The following HEXB variants were observed in gnomAD, a reference collection of about 807,000 sequenced individuals.
HEXB encodes the protein hexosaminidase subunit beta, also known as beta-hexosaminidase subunit beta.
In HEXB, 51 loss-of-function variants were observed where a neutral mutation model predicts 71.2. The ratio of observed to expected loss-of-function variants is 0.72; its 90% CI spans 0.57 to 0.90. HEXB has a LOEUF of 0.90. HEXB is among the 40% of genes least tolerant of loss of function. The pLI is 0.00. For synonymous variants in HEXB, 266 were observed against 249.3 expected (o/e 1.07, Z -0.63); for missense variants, 617 against 677.0 (o/e 0.91, Z 0.98).
At chr5:74,650,818 C>T (rs769093252) in intron 1 of HEXB, among the ~76,000 whole-genome samples, 2 of 150,176 alleles carry the variant, frequency 1.3e-5, no homozygotes, top group Non-Finnish European at 1.5e-5. Flanking sequence ...CCCAGCTACT[C>T]GGGAGGCTGA....
At chr5:74,712,415 A>G (rs1179986567) in intron 6 of HEXB, among the ~76,000 whole-genome samples, 1 of 149,688 alleles carries the variant, frequency 6.7e-6, no homozygotes, top group Non-Finnish European at 1.5e-5. Flanking sequence ...ATGTACCCTA[A>G]AACTTAAAGT....
rs2112075774 is a variant in HEXB at position 74,652,004 on chromosome 5, T to C, written c.-377+11446T>C. On this transcript the variant is annotated intron_variant, in intron 1 of 13. Coordinates refer to the HEXB transcript ENST00000511181. This position sits in a 1 kb window ranked among gnomAD's most constrained non-coding sequence, Gnocchi z 5.4. ...ATTTGCCAGCTCTGTGTAAAACTAC[T>C]CTTATGCCAGACAAACTAGGACGTG... 6.6e-6 allele frequency among the ~76,000 whole-genome samples: 1 copy of C among 152,316 alleles called. No homozygotes were observed. Among genetic ancestry groups the C allele is most frequent in the South Asian group, 2.1e-4 (1 of 4,826 alleles).
intron 1 of HEXB, among the ~76,000 whole-genome samples, chr5:74,647,584 G>A (rs1017976990): frequency 1.5e-4 from 23 of 152,172 alleles, no homozygotes; most frequent in African/African-American, 5.1e-4. Context: ...TTGAAAACAC[G>A]ACATGAACAA....
chr5:74,675,285 G>A (rs1292171642), intron 1 of HEXB, among the ~76,000 whole-genome samples: 1 of 152,102 alleles, frequency 6.6e-6, no homozygotes, highest in East Asian at 1.9e-4. Context: ...TATCAACAGT[G>A]GGGGATTCTT....
intron 1 of HEXB, among the ~76,000 whole-genome samples, chr5:74,670,965 C>T (rs1338812933): frequency 2.0e-5 from 3 of 152,116 alleles, no homozygotes; most frequent in Admixed American, 2.0e-4. Flanking sequence ...GCCCAGGAGG[C>T]CAAGTGGACA....
chr5:74,689,261 A>T, intron 1 of HEXB, 67 bp from the exon 2 acceptor site: 1 of 1,217,942 alleles, frequency 8.2e-7, no homozygotes, highest in Non-Finnish European at 1.2e-6. Flanking sequence ...CAATGTTACT[A>T]GCACATCTGT....
intron 1 of HEXB, among the ~76,000 whole-genome samples, chr5:74,668,495 T>C (rs1286745783): frequency 6.6e-6 from 1 of 152,162 alleles, no homozygotes; most frequent in African/African-American, 2.4e-5. Context: ...GGAGTTCAAA[T>C]CCTGACTCTC....
intron 11 of HEXB, among the ~76,000 whole-genome samples, chr5:74,719,239 T>C (rs2112181528): frequency 6.6e-6 from 1 of 152,328 alleles, no homozygotes; most frequent in East Asian, 1.9e-4. Context: ...CCTTAGATTT[T>C]ATCTCCATTT....
chr5:74,642,833 G>C lies in HEXB; in HGVS notation c.-377+2275G>C, dbSNP rs1289561179. 2.0e-5 allele frequency among the ~76,000 whole-genome samples: 3 copies of C among 152,140 alleles called. No individual in the cohort carries two copies. The South Asian group carries it at 6.2e-4, about 32-fold the overall frequency. On this transcript the variant is annotated intron_variant, in intron 1 of 13. Coordinates refer to the HEXB transcript ENST00000511181. ...AAGCAGGCAGGGCTGAGAAAGGAAA[G>C]AAATCCGCTGGCCATTGTGTCACCA... is the stretch of plus-strand genomic sequence containing the variant.
intron 1 of HEXB, among the ~76,000 whole-genome samples, chr5:74,666,546 C>T (rs1412346320): frequency 2.0e-5 from 3 of 152,242 alleles, no homozygotes; most frequent in East Asian, 1.9e-4. Context: ...GGGCAGGTGC[C>T]GCTTCCCCAT....
upstream of HEXB, among the ~76,000 whole-genome samples, chr5:74,680,310 T>C (rs575121090): frequency 3.0e-4 from 45 of 152,300 alleles, no homozygotes; most frequent in African/African-American, 1.1e-3. Flanking sequence ...TGCCTCTCAT[T>C]TTTCCCTTTT....
chr5:74,685,787 G>A (rs1254534409), intron 1 of HEXB, among the ~76,000 whole-genome samples: 3 of 152,112 alleles, frequency 2.0e-5, no homozygotes, highest in African/African-American at 7.2e-5. Flanking sequence ...TTTGAGAGCC[G>A]GATAGTAAGT....
In HEXB at chr5:74,652,426, G is replaced by A. The variant is rs6874691; in HGVS notation, c.-377+11868G>A. ...ATACACAGTAGCCGTTTGCCTTCAT[G>A]TATTTGCTTAATCAATGGTACGAAA... On this transcript the variant is annotated intron_variant, in intron 1 of 13. Transcript: ENST00000511181. The surrounding 1 kb of genome is among the most constrained non-coding windows in gnomAD (Gnocchi z 5.4). Among the ~76,000 whole-genome samples the A allele has an allele frequency of 0.13, 20,226 of 152,198 alleles. 2,220 individuals are homozygous for A. Among genetic ancestry groups the A allele is most frequent in the African/African-American group, 0.3 (12,241 of 41,488 alleles).
upstream of HEXB, chr5:74,685,191 C>T: frequency 2.8e-6 from 4 of 1,423,212 alleles, no homozygotes; most frequent in Non-Finnish European, 3.7e-6. Flanking sequence ...TTCCTCTGAT[C>T]CGGGCCGGGC....
chr5:74,683,150 C>T (rs1330400221), upstream of HEXB, among the ~76,000 whole-genome samples: 1 of 152,120 alleles, frequency 6.6e-6, no homozygotes. Flanking sequence ...GGTGCAGGGC[C>T]ACTCTGGAAC....
At chr5:74,706,685 C>G (rs538597845) in intron 6 of HEXB, among the ~76,000 whole-genome samples, 1 of 152,162 alleles carries the variant, frequency 6.6e-6, no homozygotes, top group Non-Finnish European at 1.5e-5. Context: ...CACGGAGTCT[C>G]GCTGATTGCT....
chr5:74,666,017 T>C (rs142531018), intron 1 of HEXB, among the ~76,000 whole-genome samples: 28 of 152,346 alleles, frequency 1.8e-4, no homozygotes, highest in African/African-American at 6.5e-4. Flanking sequence ...AAAAATGCAT[T>C]ATACAGAGTT....
chr5:74,645,919 T>C (rs1164873246), intron 1 of HEXB, among the ~76,000 whole-genome samples: 1 of 151,042 alleles, frequency 6.6e-6, no homozygotes, highest in Non-Finnish European at 1.5e-5. Flanking sequence ...CTCATTAATC[T>C]CCATTTAAGT....
intron 2 of HEXB, among the ~76,000 whole-genome samples, chr5:74,690,575 C>T (rs1233930385): frequency 1.4e-5 from 2 of 141,876 alleles, no homozygotes; most frequent in East Asian, 2.2e-4. Context: ...TCACTTGAAC[C>T]CAGGAGGCAG....
Sources: gnomAD v4.1 joint callset for allele counts (sites outside exome capture counted in the v4.1 genomes callset) on GRCh38, gnomAD v4.1.1 for gene constraint, Gnocchi (gnomAD v3.1) non-coding constraint, MANE v1.5 for transcripts, NCBI Gene and HGNC (gene_info 2026-07-23, HGNC 2026-07-21) for gene names.